The following USP28 variants were observed in gnomAD, a reference collection of about 807,000 sequenced individuals.
USP28 encodes the protein ubiquitin carboxyl-terminal hydrolase 28.
A neutral mutation model predicts 145.0 loss-of-function variants in USP28; 113 were observed. That is an observed-to-expected ratio of 0.78 (90% confidence interval 0.67 to 0.91). USP28 has a LOEUF of 0.91. Ranked by LOEUF, USP28 falls within the 40% of genes least tolerant of loss-of-function variation. USP28 has a pLI of 0.00. For synonymous variants in USP28, 447 were observed against 450.9 expected (o/e 0.99, Z 0.11); for missense variants, 1,201 against 1,289.6 (o/e 0.93, Z 1.05).
At chr11:113,854,414 CA>C in intron 1 of USP28, 79 bp from the exon 2 acceptor site, 1 of 1,398,590 alleles carries the variant, frequency 7.2e-7, no homozygotes, top group Non-Finnish European at 1.0e-6. Context: ...TAACTAAAAG[CA>C]TCTTGGATAA....
At chr11:113,851,144 C>A (rs1449189103) in intron 3 of USP28, among the ~76,000 whole-genome samples, 1 of 152,110 alleles carries the variant, frequency 6.6e-6, no homozygotes, top group African/African-American at 2.4e-5. Flanking sequence ...CACTGCTTAC[C>A]CTCCACCACA....
Position 113,823,713 on chromosome 11 carries a change from T to C in USP28, c.1188-13A>G. The C allele has an allele frequency of 6.4e-7, 1 of 1,567,460 alleles. No individual in the cohort carries two copies. Among genetic ancestry groups the C allele is most frequent in the African/African-American group, 1.4e-5 (1 of 71,974 alleles). On this transcript the variant is annotated splice_polypyrimidine_tract_variant and intron_variant, in intron 11 of 24. Coordinates refer to ENST00000003302, the Ensembl canonical transcript of USP28. ...CCTGTACATGTACCTAAGTAAATAA[T>C]CCCACAAACACAATTTATATTATAA...
chr11:113,824,138 T>C (rs1175601282), intron 11 of USP28, among the ~76,000 whole-genome samples: 4 of 152,070 alleles, frequency 2.6e-5, no homozygotes, highest in Non-Finnish European at 1.5e-5. Flanking sequence ...TCTATACACT[T>C]GTAAAGAACA....
Position 113,827,269 on chromosome 11 carries a change from T to C in USP28, c.1151A>G (p.Asn384Ser), listed in dbSNP as rs763907938. ...AATAATCTGAGGAAATTCCAGCTTA[T>C]TGTGAATTTTCTCTGGCTGCCCAAG... Residue 384 changes from asparagine to serine, a missense_variant, in exon 11 of 25, where the codon AAT becomes AGT. Transcript: ENST00000003302. 3 of 1,612,724 alleles carry C rather than the reference T, an allele frequency of 1.9e-6. No individual in the cohort carries two copies. The highest frequency in any genetic ancestry group is 2.2e-5 in the East Asian group (1 of 44,854).
intron 1 of USP28, among the ~76,000 whole-genome samples, chr11:113,870,425 G>A (rs1157753144): frequency 6.6e-6 from 1 of 152,222 alleles, no homozygotes; most frequent in Non-Finnish European, 1.5e-5. Context: ...TACTCAGGAG[G>A]CTGAGGTGGG....
chr11:113,802,514 C>A (rs1334205318), intron 23 of USP28, among the ~76,000 whole-genome samples: 3 of 152,062 alleles, frequency 2.0e-5, no homozygotes, highest in Non-Finnish European at 4.4e-5. Flanking sequence ...GCAGGCCACC[C>A]CTTTACAGTT....
At chr11:113,867,135 TG>T (rs1199490469) in intron 1 of USP28, among the ~76,000 whole-genome samples, 4 of 152,150 alleles carry the variant, frequency 2.6e-5, no homozygotes, top group Non-Finnish European at 5.9e-5. Context: ...GTGGAGGGCA[TG>T]GGGGAATAGG....
intron 5 of USP28, 103 bp from the exon 6 acceptor site, chr11:113,834,438 C>T: frequency 1.3e-6 from 1 of 748,162 alleles, no homozygotes; most frequent in East Asian, 3.0e-5. Context: ...TAAAAGTATG[C>T]AAAACTATCA....
chr11:113,866,742 T>C (rs1399448005), intron 1 of USP28, among the ~76,000 whole-genome samples: 1 of 152,212 alleles, frequency 6.6e-6, no homozygotes, highest in African/African-American at 2.4e-5. Flanking sequence ...AGTCTGGCAG[T>C]TCCTCAAGAA....
intron 21 of USP28, among the ~76,000 whole-genome samples, chr11:113,804,236 G>A (rs747712259): frequency 1.4e-4 from 21 of 152,324 alleles, no homozygotes; most frequent in African/African-American, 4.1e-4. Flanking sequence ...GGAAGGACAC[G>A]GACATTTCTA....
At position 113,815,447 on chromosome 11, in the gene USP28, A is replaced by G. The variant is rs924002778; in HGVS notation, c.1464-65T>C. The G allele has an allele frequency of 5.4e-6, 8 of 1,477,986 alleles. No individual in the cohort carries two copies. The Admixed American group carries it at 7.5e-5, about 14-fold the overall frequency. The allele number at this position is 1,477,986 out of a possible 1,614,324, so 91.6% of individuals were successfully genotyped here. On this transcript the variant is annotated intron_variant, in intron 13 of 24. Transcript: ENST00000003302. Reference sequence around the variant, plus strand: ...AAAGATACCTTGGCCTAAATTATGTACTTTGGAAAGCAAGATGCTATATGA... The same window carrying G: ...AAAGATACCTTGGCCTAAATTATGTGCTTTGGAAAGCAAGATGCTATATGA...
rs1416298462 is a variant in USP28 at position 113,812,267 on chromosome 11, T to C, written c.1972+9A>G. The C allele has an allele frequency of 1.2e-6, 2 of 1,608,940 alleles. No individual in the cohort carries two copies. The highest frequency in any genetic ancestry group is 1.1e-5 in the South Asian group (1 of 90,970). On this transcript the variant is annotated intron_variant, in intron 16 of 24. Transcript: ENST00000003302. ...CCCCAATCTATAGATTCTGCCAAGA[T>C]ACTTTTACCTGCATTGAAGTAGGGT...
chr11:113,814,282 A>G (rs1323167442), intron 14 of USP28, among the ~76,000 whole-genome samples: 1 of 152,196 alleles, frequency 6.6e-6, no homozygotes, highest in Non-Finnish European at 1.5e-5. Context: ...AGAAAGCAGA[A>G]CAAAGGGTAA....
chr11:113,828,809 A>T, intron 10 of USP28: 1 of 412,290 alleles, frequency 2.4e-6, no homozygotes, highest in East Asian at 7.2e-5. Flanking sequence ...AGAACAGTAA[A>T]TACTATAATA....
chr11:113,799,320 T>C, exon 25 of USP28: 1 of 1,614,206 alleles, frequency 6.2e-7, no homozygotes, highest in Non-Finnish European at 8.5e-7. Context: ...TAGGGAGAAT[T>C]GGGTCGAATA....
chr11:113,809,492 C>G (rs896245497), intron 16 of USP28, among the ~76,000 whole-genome samples: 26 of 152,258 alleles, frequency 1.7e-4, no homozygotes, highest in African/African-American at 6.0e-4. Context: ...TATAGTTGAG[C>G]ATCCCAAATC....
At chr11:113,812,588 G>T in intron 15 of USP28, 84 bp from the exon 16 acceptor site, 1 of 1,220,260 alleles carries the variant, frequency 8.2e-7, no homozygotes, top group Non-Finnish European at 1.2e-6. Flanking sequence ...TACTGTTTAT[G>T]ATGTGATTAA....
intron 24 of USP28, 43 bp downstream of exon 25, chr11:113,801,440 A>G (rs751914539): frequency 6.8e-7 from 1 of 1,460,594 alleles, no homozygotes; most frequent in Admixed American, 1.9e-5. Flanking sequence ...TGAAATTTCT[A>G]CAATTCTCAA....
intron 2 of USP28, 39 bp from the exon 3 acceptor site, chr11:113,852,672 C>T (rs371076795): frequency 6.2e-7 from 1 of 1,609,786 alleles, no homozygotes; most frequent in Non-Finnish European, 8.5e-7. Flanking sequence ...CAAAAGTAAT[C>T]ATAGAATTTA....
Sources: allele counts gnomAD v4.1 joint callset (sites outside exome capture counted in the v4.1 genomes callset), GRCh38; gene constraint gnomAD v4.1.1; transcripts MANE v1.5; gene names NCBI Gene and HGNC (gene_info 2026-07-23, HGNC 2026-07-21).